The following KLHL14 variants were observed in gnomAD, a reference collection of about 807,000 sequenced individuals.
The protein encoded by KLHL14 is kelch-like protein 14.
KLHL14 carries 22 observed loss-of-function variants against 64.3 expected under a neutral mutation model. The observed-to-expected ratio is 0.34, with a 90% CI of 0.24 to 0.49. The LOEUF is 0.49. Ranked by LOEUF, KLHL14 falls within the 20% of genes least tolerant of loss-of-function variation. The pLI, the probability that KLHL14 is intolerant of heterozygous loss-of-function variation, is 0.99. For missense variants in KLHL14, 661 were observed against 789.0 expected, an observed-to-expected ratio of 0.84 and a Z score of 1.94; for synonymous variants, 322 against 333.4, an observed-to-expected ratio of 0.97 and a Z score of 0.37.
chr18:32,718,489 C>T (rs2144507342), intron 3 of KLHL14, among the ~76,000 whole-genome samples: 2 of 152,300 alleles, frequency 1.3e-5, no homozygotes, highest in South Asian at 4.1e-4. Flanking sequence ...AGTCAAGGTT[C>T]TGAATGTGTA....
intron 4 of KLHL14, among the ~76,000 whole-genome samples, chr18:32,691,408 G>A (rs1404025937): frequency 6.6e-6 from 1 of 152,164 alleles, no homozygotes; most frequent in Non-Finnish European, 1.5e-5. Flanking sequence ...TCTGGGTGTG[G>A]TGGCTCATGC....
chr18:32,725,333 C>G (rs2050103075), intron 3 of KLHL14, among the ~76,000 whole-genome samples: 1 of 152,094 alleles, frequency 6.6e-6, no homozygotes, highest in South Asian at 2.1e-4. Context: ...CCTGGCCTTC[C>G]TTGCGTTTTT....
intron 7 of KLHL14, among the ~76,000 whole-genome samples, chr18:32,679,585 C>A (rs977415305): frequency 2.0e-5 from 3 of 151,888 alleles, no homozygotes; most frequent in African/African-American, 2.4e-5. Flanking sequence ...GTATACATAT[C>A]TAGGGAAGGA....
chr18:32,753,803 C>T (rs1277936280), intron 2 of KLHL14, among the ~76,000 whole-genome samples: 6 of 152,238 alleles, frequency 3.9e-5, no homozygotes, highest in African/African-American at 1.4e-4. Flanking sequence ...TTAAAGCTTC[C>T]TTTGGTAACT....
Position 32,771,932 on chromosome 18 carries a change from C to T in KLHL14, c.-44+735G>A, listed in dbSNP as rs547032608. The T allele has an allele frequency of 1.8e-4, 30 of 166,156 alleles. No individual in the cohort carries two copies. In the South Asian group the frequency reaches 3.6e-3, roughly 20 times the overall value. The allele number at this position is 166,156 out of a possible 1,614,324, so 10.3% of individuals were successfully genotyped here. ...CCCCACTCGGGCACCCCCACTTCCC[C>T]GGCCCTGGAACTACTTCTGTAAAAA... On this transcript the variant is annotated intron_variant, in intron 1 of 8. Transcript: ENST00000359358.
chr18:32,750,611 T>C (rs1384312350), intron 2 of KLHL14, among the ~76,000 whole-genome samples: 1 of 152,244 alleles, frequency 6.6e-6, no homozygotes, highest in African/African-American at 2.4e-5. Context: ...TTCTCTTCGC[T>C]GCCAGCTGCC....
At position 32,770,558 on chromosome 18, in the gene KLHL14, C is replaced by A; in HGVS notation, c.34G>T (p.Asp12Tyr). ...AGCAGGTTGTCGCTGTGGCTGGGGT[C>A]GAAGGTGGAGGTCCTGTCCCCGGAT... ...SRSGDRTSTF[D>Y]PSHSDNLLHG... Residue 12 changes from aspartate (D) to tyrosine (Y), a missense_variant, in exon 2 of 9, where the codon GAC becomes TAC. By Grantham distance (160) the Asp-to-Tyr change is radical. Around this residue, in one of 2 missense-constraint regions of KLHL14, gnomAD observed 331 missense variants for 339.0 expected, o/e 0.98. Coordinates refer to ENST00000359358, the MANE Select transcript of KLHL14 (RefSeq NM_020805.3). This position sits in a 1 kb window ranked among gnomAD's most constrained non-coding sequence, Gnocchi z 6.7. The A allele has an allele frequency of 6.3e-7, 1 of 1,595,646 alleles. No individual in the cohort carries two copies. Among genetic ancestry groups the A allele is most frequent in the South Asian group, 1.1e-5 (1 of 89,674 alleles).
chr18:32,760,116 G>A (rs2050306163), intron 2 of KLHL14, among the ~76,000 whole-genome samples: 1 of 152,094 alleles, frequency 6.6e-6, no homozygotes, highest in Admixed American at 6.6e-5. Context: ...TTTGTTCTAA[G>A]AAGTATTTAC....
Position 32,673,036 on chromosome 18 carries a change from C to T in KLHL14, c.*1621G>A, listed in dbSNP as rs916781041. On this transcript the variant is annotated 3_prime_UTR_variant, in exon 9 of 9. Coordinates refer to ENST00000359358, the MANE Select transcript of KLHL14 (RefSeq NM_020805.3). ...GTACTGTAACTTTTCTTTCTATATACTCATATGTTTTAAGGAAAAAGAAAT... is the reference window on the plus strand; with the variant it reads ...GTACTGTAACTTTTCTTTCTATATATTCATATGTTTTAAGGAAAAAGAAAT... 7.4e-6 allele frequency: 1 copy of T among 135,334 alleles called. No homozygotes were observed. Among genetic ancestry groups the T allele is most frequent in the Non-Finnish European group, 1.6e-5 (1 of 64,100 alleles). The allele number at this position is 135,334 out of a possible 1,614,324, so 8.4% of individuals were successfully genotyped here. A position where few individuals can be genotyped will look rare whatever the true frequency, so the allele number is the denominator to read the frequency against.
At position 32,680,475 on chromosome 18, in the gene KLHL14, A is replaced by T. The variant is rs1186620515; in HGVS notation, c.1363T>A (p.Ser455Thr). 1 of 1,613,910 alleles carries T rather than the reference A, an allele frequency of 6.2e-7. No individual in the cohort carries two copies. The highest frequency in any genetic ancestry group is 8.5e-7 in the Non-Finnish European group (1 of 1,179,926). Reference protein sequence around the residue: ...NLETNEWRYVSSLPQPLAAHA... With the variant: ...NLETNEWRYVTSLPQPLAAHA... Reference sequence around the variant, plus strand: ...GCCGCCAGAGGCTGTGGCAAAGAGGACACATAGCGCCATTCATTCGTTTCT... The same window carrying T: ...GCCGCCAGAGGCTGTGGCAAAGAGGTCACATAGCGCCATTCATTCGTTTCT... The change falls in exon 6 of 9, where the codon TCC becomes ACC. Residue 455 changes from serine to threonine, a missense_variant. Ser to Thr is a moderately conservative substitution (Grantham distance 58, BLOSUM62 1). Around this residue, in one of 2 missense-constraint regions of KLHL14, gnomAD observed 330 missense variants for 450.0 expected, o/e 0.73. Coordinates refer to ENST00000359358, the MANE Select transcript of KLHL14 (RefSeq NM_020805.3). This position sits in a 1 kb window ranked among gnomAD's most constrained non-coding sequence, Gnocchi z 4.8.
At chr18:32,763,289 A>T (rs1281505714) in intron 2 of KLHL14, among the ~76,000 whole-genome samples, 1 of 152,160 alleles carries the variant, frequency 6.6e-6, no homozygotes, top group Non-Finnish European at 1.5e-5. Flanking sequence ...AGAAGGATAG[A>T]ATTCTGGCTT....
chr18:32,730,813 A>G (rs1174321275), intron 3 of KLHL14, among the ~76,000 whole-genome samples: 1 of 152,236 alleles, frequency 6.6e-6, no homozygotes, highest in East Asian at 1.9e-4. Context: ...TGTTCTAGCT[A>G]AATAACTAGA....
rs139944183 is a variant in KLHL14, at chr18:32,757,855, A to G, written c.947+11790T>C. Among the ~76,000 whole-genome samples, 251 of 152,326 alleles carry G rather than the reference A, an allele frequency of 1.6e-3. 1 individual carries two copies. The highest frequency in any genetic ancestry group is 5.8e-3 in the African/African-American group (242 of 41,584). ...ACACCAAATACCAAGATTTTTAATA[A>G]TAGTCATAAGTGTCATATAAAAGCA... On this transcript the variant is annotated intron_variant, in intron 2 of 8. Coordinates refer to ENST00000359358, the MANE Select transcript of KLHL14 (RefSeq NM_020805.3).
chr18:32,693,448 A>AGAGAGAGAGAGAGAGAGAGAGC (rs1440704845), intron 4 of KLHL14, among the ~76,000 whole-genome samples: 1 of 142,238 alleles, frequency 7.0e-6, no homozygotes, highest in African/African-American at 2.5e-5. Flanking sequence ...AGAGAGAGAG[A>AGAGAGAGAGAGAGAGAGAGAGC]GAGCACTCCC....
At chr18:32,691,462 CAA>C (rs900123097) in intron 4 of KLHL14, among the ~76,000 whole-genome samples, 4 of 152,052 alleles carry the variant, frequency 2.6e-5, no homozygotes, top group African/African-American at 9.7e-5. Flanking sequence ...CAGGATTGCT[CAA>C]AGTCGGGAGT....
intron 2 of KLHL14, among the ~76,000 whole-genome samples, chr18:32,765,558 A>C (rs1459643474): frequency 6.6e-6 from 1 of 152,194 alleles, no homozygotes; most frequent in Non-Finnish European, 1.5e-5. Flanking sequence ...TAACTACCTA[A>C]CAATTTTTAA....
At chr18:32,739,057 T>C (rs758635694) in intron 3 of KLHL14, among the ~76,000 whole-genome samples, 16 of 152,126 alleles carry the variant, frequency 1.1e-4, no homozygotes, top group Non-Finnish European at 1.3e-4. Context: ...GTGGGCAAAG[T>C]ATGCTGAGAT....
At chr18:32,738,632 T>C (rs2050178725) in intron 3 of KLHL14, 1 of 152,190 alleles carries the variant, frequency 6.6e-6, no homozygotes, top group African/African-American at 2.4e-5. Flanking sequence ...ATGAAATGAT[T>C]TTTCCAAAAA....
At chr18:32,716,610 G>A (rs2050047085) in intron 3 of KLHL14, among the ~76,000 whole-genome samples, 1 of 151,948 alleles carries the variant, frequency 6.6e-6, no homozygotes, top group African/African-American at 2.4e-5. Flanking sequence ...GTAGAGATGG[G>A]GTTTTGCCAT....
Sources: allele counts gnomAD v4.1 joint callset (sites outside exome capture counted in the v4.1 genomes callset), GRCh38; gene constraint gnomAD v4.1.1; regional missense constraint gnomAD v4.1.1; non-coding constraint Gnocchi (gnomAD v3.1); transcripts MANE v1.5; gene names NCBI Gene and HGNC (gene_info 2026-07-23, HGNC 2026-07-21).